GPR107: variants seen among roughly 807,000 people sequenced by gnomAD.
GPR107 encodes the protein protein GPR107.
Under a neutral mutation model 75.5 loss-of-function variants are expected in GPR107, and 31 were observed. The observed-to-expected ratio is 0.41, with a 90% CI of 0.31 to 0.55. The LOEUF (loss-of-function observed/expected upper bound fraction) is 0.55, where lower values mean the gene tolerates loss of function less well. GPR107 is among the 20% of genes least tolerant of loss of function. GPR107 has a pLI of 0.26. For missense variants in GPR107, 572 were observed against 665.7 expected (o/e 0.86, Z 1.55); for synonymous variants, 267 against 251.3 (o/e 1.06, Z -0.59).
intron 11 of GPR107, 47 bp from the exon 12 acceptor site, chr9:130,101,059 G>C (rs1453362211): frequency 3.9e-6 from 4 of 1,031,292 alleles, no homozygotes; most frequent in Admixed American, 1.7e-5. Context: ...CTGGCAGTGA[G>C]AGTCTAAAGA....
intron 1 of GPR107, among the ~76,000 whole-genome samples, chr9:130,056,660 T>A (rs2132526603): frequency 6.6e-6 from 1 of 151,974 alleles, no homozygotes; most frequent in South Asian, 2.1e-4. Flanking sequence ...GCGCAGTGGC[T>A]CACGCCTGTA....
intron 17 of GPR107, among the ~76,000 whole-genome samples, chr9:130,132,806 A>ATAT (rs1331041330): frequency 7.6e-6 from 1 of 132,208 alleles, no homozygotes; most frequent in African/African-American, 2.9e-5. Context: ...ATAAAAAAAA[A>ATAT]ATATATATAT....
chr9:130,091,375 G>A (rs1268576686), intron 8 of GPR107, among the ~76,000 whole-genome samples: 3 of 151,898 alleles, frequency 2.0e-5, no homozygotes, highest in South Asian at 2.1e-4. Context: ...CTCTAGTCCC[G>A]GCTACTCAGG....
At chr9:130,100,776 C>T (rs2132609151) in intron 11 of GPR107, 74 bp downstream of exon 11, 3 of 1,056,794 alleles carry the variant, frequency 2.8e-6, no homozygotes, top group East Asian at 2.4e-5. Context: ...ACAACCTGCC[C>T]CAAGTTAACC....
intron 14 of GPR107, chr9:130,110,399 G>A (rs1831266153): frequency 1.3e-6 from 2 of 1,538,238 alleles, no homozygotes; most frequent in Non-Finnish European, 1.8e-6. Context: ...TCAGCAGAGA[G>A]CGAATCTAAG....
intron 9 of GPR107, among the ~76,000 whole-genome samples, chr9:130,099,013 C>CAAA (rs34789609): frequency 6.8e-6 from 1 of 147,182 alleles, no homozygotes; most frequent in Admixed American, 6.8e-5. Context: ...ACTCTTGTCT[C>CAAA]AAAAAAAAAA....
At chr9:130,063,572 G>A (rs966163365) in intron 1 of GPR107, among the ~76,000 whole-genome samples, 1 of 151,758 alleles carries the variant, frequency 6.6e-6, no homozygotes, top group African/African-American at 2.4e-5. Flanking sequence ...CTTTATTCAA[G>A]TTTCCACACT....
At chr9:130,124,708 C>T (rs746694337) in intron 14 of GPR107, among the ~76,000 whole-genome samples, 1 of 152,208 alleles carries the variant, frequency 6.6e-6, no homozygotes, top group Non-Finnish European at 1.5e-5. Flanking sequence ...TCATGGGGCT[C>T]ACTGGGGCTG....
intron 1 of GPR107, among the ~76,000 whole-genome samples, chr9:130,063,799 T>C (rs1829991734): frequency 6.6e-6 from 1 of 151,148 alleles, no homozygotes; most frequent in Non-Finnish European, 1.5e-5. Flanking sequence ...TTTTTCTTCA[T>C]GGAGTTTATT....
At chr9:130,069,186 C>T (rs935883906) in intron 1 of GPR107, among the ~76,000 whole-genome samples, 3 of 152,238 alleles carry the variant, frequency 2.0e-5, no homozygotes, top group African/African-American at 7.2e-5. Context: ...TCTGTTTCCT[C>T]ATCTACCAAA....
chr9:130,125,358 A>T (rs1831649360), intron 15 of GPR107, among the ~76,000 whole-genome samples: 1 of 151,164 alleles, frequency 6.6e-6, no homozygotes, highest in East Asian at 1.9e-4. Context: ...CGGGGATTAC[A>T]GCGTGAGTCA....
rs756266478 is a variant in GPR107 at position 130,054,005 on chromosome 9, C to G, written c.73C>G (p.Pro25Ala). 2 of 1,553,840 alleles carry G rather than the reference C, an allele frequency of 1.3e-6. No individual in the cohort carries two copies. The highest frequency in any genetic ancestry group is 1.7e-6 in the Non-Finnish European group (2 of 1,149,040). ...PRLAAGLRLL[P>A]MLGLLQLLAE... ...GCTGGCCGCGGGCCTCCGGCTGCTC[C>G]CAATGCTGGGTTTGCTGCAGTTGCT... Residue 25 changes from proline (P) to alanine (A), a missense_variant, in exon 1 of 18, where the codon CCA becomes GCA. Physicochemically the swap from Pro to Ala is conservative, Grantham distance 27 (BLOSUM62 -1). Coordinates refer to ENST00000347136, the MANE Select transcript of GPR107 (RefSeq NM_020960.5).
intron 16 of GPR107, 133 bp from the exon 17 acceptor site, chr9:130,128,507 A>G: frequency 2.6e-6 from 2 of 758,894 alleles, no homozygotes; most frequent in African/African-American, 1.7e-5. Context: ...GCCCTGTAGC[A>G]GGAAGTGGCA....
intron 1 of GPR107, among the ~76,000 whole-genome samples, chr9:130,063,314 C>CCTCG (rs1316572119): frequency 6.6e-6 from 1 of 152,140 alleles, no homozygotes; most frequent in Non-Finnish European, 1.5e-5. Context: ...CCTCAGCCTC[C>CCTCG]CGAGTAGCTG....
chr9:130,112,824 A>G lies in GPR107; in HGVS notation c.1306+5285A>G, dbSNP rs1363093651. ...GAGTCCAGTGGTGTAATCTTGGCTT[A>G]CTGCAGCCTCAACCTCCTGGGCCCA... On this transcript the variant is annotated intron_variant, in intron 14 of 17. Coordinates refer to ENST00000347136, the MANE Select transcript of GPR107 (RefSeq NM_020960.5). This position sits in a 1 kb window ranked among gnomAD's most constrained non-coding sequence, Gnocchi z 4.0. Among the ~76,000 whole-genome samples the G allele has an allele frequency of 1.3e-5, 2 of 151,932 alleles. No homozygotes were observed. Among genetic ancestry groups the G allele is most frequent in the Non-Finnish European group, 2.9e-5 (2 of 67,986 alleles).
rs546475505 is a variant in GPR107 at position 130,126,810 on chromosome 9, A to G, written c.1357-673A>G. On this transcript the variant is annotated intron_variant, in intron 15 of 17. Coordinates refer to ENST00000347136, the MANE Select transcript of GPR107 (RefSeq NM_020960.5). Reference sequence around the variant, plus strand: ...TTCTTTGTTTTATTTTTTCTTTCCCATGGATTTTATGTCATCCACCAAATA... The same window carrying G: ...TTCTTTGTTTTATTTTTTCTTTCCCGTGGATTTTATGTCATCCACCAAATA... Among the ~76,000 whole-genome samples, 3 of 151,576 alleles carry G rather than the reference A, an allele frequency of 2.0e-5. No homozygotes were observed. In the South Asian group the frequency reaches 6.2e-4, roughly 32 times the overall value.
intron 1 of GPR107, among the ~76,000 whole-genome samples, chr9:130,070,500 C>T (rs957017857): frequency 6.6e-6 from 1 of 152,008 alleles, no homozygotes; most frequent in African/African-American, 2.4e-5. Context: ...GATGAGGTTT[C>T]GCCATGTTGG....
chr9:130,077,137 C>A (rs1355297845), intron 3 of GPR107, among the ~76,000 whole-genome samples, 162 bp from the exon 4 acceptor site: 5 of 151,658 alleles, frequency 3.3e-5, no homozygotes, highest in Non-Finnish European at 7.4e-5. Flanking sequence ...CCACCCACCT[C>A]GGCCTCCCAA....
chr9:130,083,808 T>C (rs1044196029), intron 6 of GPR107, among the ~76,000 whole-genome samples: 6 of 152,114 alleles, frequency 3.9e-5, no homozygotes, highest in Non-Finnish European at 1.5e-5. Context: ...ATGTCTCTTA[T>C]ATAAAATGGC....
Sources: gnomAD v4.1 joint callset for allele counts (sites outside exome capture counted in the v4.1 genomes callset) on GRCh38, gnomAD v4.1.1 for gene constraint, Gnocchi (gnomAD v3.1) non-coding constraint, MANE v1.5 for transcripts, NCBI Gene and HGNC (gene_info 2026-07-23, HGNC 2026-07-21) for gene names.